Variants in SUN3 observed in about 807,000 individuals in gnomAD.
SUN3 encodes SUN domain-containing protein 3.
In SUN3, 36 loss-of-function variants were observed where a neutral mutation model predicts 48.2. That is an observed-to-expected ratio of 0.75 (90% confidence interval 0.57 to 0.99). The LOEUF (loss-of-function observed/expected upper bound fraction) is 0.99, where lower values mean the gene tolerates loss of function less well. Ranked by LOEUF, SUN3 falls within the 50% of genes least tolerant of loss-of-function variation. SUN3 has a pLI of 0.00. For missense variants in SUN3, 419 were observed against 433.1 expected, an observed-to-expected ratio of 0.97 and a Z score of 0.29; for synonymous variants, 148 against 147.9, an observed-to-expected ratio of 1.00 and a Z score of 0.00.
chr7:48,031,179 A>G (rs1790252059), upstream of SUN3, among the ~76,000 whole-genome samples: 1 of 152,264 alleles, frequency 6.6e-6, no homozygotes, highest in Non-Finnish European at 1.5e-5. Context: ...AAGGAACTTA[A>G]TAACAAGAAA....
intron 3 of SUN3, among the ~76,000 whole-genome samples, chr7:48,014,251 A>G (rs375455617): frequency 8.4e-4 from 128 of 152,310 alleles, no homozygotes; most frequent in African/African-American, 3.0e-3. Flanking sequence ...AGACATTTTT[A>G]AAGGGTTGAA....
At chr7:48,019,977 CAAAAAAAAAAA>C (rs869166401) in intron 2 of SUN3, among the ~76,000 whole-genome samples, 4 of 64,144 alleles carry the variant, frequency 6.2e-5, no homozygotes, top group Admixed American at 3.9e-4. Flanking sequence ...AAAGACACAT[CAAAAAAAAAAA>C]AAAAAAAAAA....
At chr7:48,033,739 T>C (rs1300548689), upstream of SUN3, among the ~76,000 whole-genome samples, 2 of 152,004 alleles carry the variant, frequency 1.3e-5, no homozygotes, top group African/African-American at 2.4e-5. Flanking sequence ...GCTCCAGTTA[T>C]TATGATCAAT....
At chr7:48,025,970 A>G (rs1562615563) in intron 1 of SUN3, 32 bp from the exon 2 acceptor site, 1 of 1,478,180 alleles carries the variant, frequency 6.8e-7, no homozygotes, top group Non-Finnish European at 9.4e-7. Flanking sequence ...TTAGAAAAAG[A>G]ATTTAACAAC....
intron 8 of SUN3, among the ~76,000 whole-genome samples, chr7:47,990,006 T>TCCTA (rs879593235): frequency 2.4e-4 from 36 of 152,358 alleles, no homozygotes; most frequent in Non-Finnish European, 4.4e-4. Context: ...AGCCAGGTAT[T>TCCTA]GTCCAAGGTT....
chr7:47,996,287 G>A, intron 6 of SUN3, 141 bp from the exon 7 acceptor site: 1 of 524,956 alleles, frequency 1.9e-6, no homozygotes, highest in South Asian at 3.2e-5. Context: ...GGAATTGATA[G>A]GAAAAGTATG....
At position 47,994,499 on chromosome 7, in the gene SUN3, G is replaced by C; in HGVS notation, c.694-17C>G. 1 of 1,584,502 alleles carries C rather than the reference G, an allele frequency of 6.3e-7. No homozygotes were observed. The highest frequency in any genetic ancestry group is 8.5e-7 in the Non-Finnish European group (1 of 1,170,318). On this transcript the variant is annotated splice_polypyrimidine_tract_variant and intron_variant, in intron 7 of 9. Transcript: ENST00000297325. ...GACATCCGGCTGGAAAGAAAACACTGAATTAATCTCTTAACTAGTTATGTG... is the reference window on the plus strand; with the variant it reads ...GACATCCGGCTGGAAAGAAAACACTCAATTAATCTCTTAACTAGTTATGTG...
At chr7:47,992,255 C>G (rs977874541) in intron 8 of SUN3, among the ~76,000 whole-genome samples, 1 of 152,134 alleles carries the variant, frequency 6.6e-6, no homozygotes, top group Non-Finnish European at 1.5e-5. Flanking sequence ...AAGTGTTGTA[C>G]AGGAAACAGA....
At chr7:48,019,756 A>AC (rs1746742839) in intron 2 of SUN3, among the ~76,000 whole-genome samples, 1 of 152,032 alleles carries the variant, frequency 6.6e-6, no homozygotes, top group African/African-American at 2.4e-5. Flanking sequence ...ACCTGAACAG[A>AC]CCAATAAAAA....
Position 48,021,603 on chromosome 7 carries a change from G to T in SUN3, c.185-4238C>A, listed in dbSNP as rs150842075. On this transcript the variant is annotated intron_variant, in intron 2 of 9. Coordinates refer to ENST00000297325, the MANE Select transcript of SUN3 (RefSeq NM_001030019.2). ...AACCTAAATAATCTGATAAAAAAAT[G>T]GGCCAAAGATTCAAATAAACATCTC... 3.8e-3 allele frequency among the ~76,000 whole-genome samples: 566 copies of T among 149,360 alleles called. 14 individuals are homozygous for T. The highest frequency in any genetic ancestry group is 0.035 in the Admixed American group (521 of 15,002).
intron 7 of SUN3, 94 bp downstream of exon 7, chr7:47,995,935 CTT>C (rs36076226): frequency 0.11 from 76,776 of 717,174 alleles, 5,627 homozygotes; most frequent in East Asian, 0.34. Context: ...TTCAGACACT[CTT>C]ATATTGCCTC....
intron 3 of SUN3, among the ~76,000 whole-genome samples, chr7:48,015,968 A>G (rs1309151870): frequency 3.3e-5 from 5 of 152,144 alleles, no homozygotes; most frequent in African/African-American, 1.2e-4. Context: ...CAAATTAGCT[A>G]CAAGATTAGA....
intron 4 of SUN3, among the ~76,000 whole-genome samples, chr7:48,007,980 C>T (rs561692304): frequency 6.8e-4 from 104 of 152,140 alleles, no homozygotes; most frequent in Middle Eastern, 3.4e-3. Flanking sequence ...CATGCCACCG[C>T]GCTCGGCTAA....
intron 8 of SUN3, among the ~76,000 whole-genome samples, chr7:47,989,256 G>A (rs1242728817): frequency 3.3e-5 from 5 of 152,284 alleles, no homozygotes; most frequent in Middle Eastern, 3.4e-3. Flanking sequence ...AACTATATTT[G>A]CAATAAGCAT....
At chr7:48,009,174 C>T in intron 3 of SUN3, 99 bp from the exon 4 acceptor site, 2 of 1,177,170 alleles carry the variant, frequency 1.7e-6, no homozygotes, top group Non-Finnish European at 2.4e-6. Flanking sequence ...CACATTGACT[C>T]CTGATATACA....
chr7:48,008,817 C>G (rs992625759), intron 4 of SUN3, among the ~76,000 whole-genome samples: 2 of 152,008 alleles, frequency 1.3e-5, no homozygotes, highest in Non-Finnish European at 2.9e-5. Flanking sequence ...TTTTCTATCT[C>G]CTTTTTTTCT....
intron 8 of SUN3, 121 bp from the exon 9 acceptor site, chr7:47,989,001 G>A (rs1788976040): frequency 1.7e-6 from 1 of 605,406 alleles, no homozygotes; most frequent in African/African-American, 1.8e-5. Flanking sequence ...CTGTGATCAT[G>A]CCAGTACTAA....
intron 7 of SUN3, among the ~76,000 whole-genome samples, chr7:47,995,699 G>A (rs1256589472): frequency 6.6e-6 from 1 of 152,188 alleles, no homozygotes; most frequent in East Asian, 1.9e-4. Context: ...AATGTTTGTT[G>A]AATGACTGAA....
At chr7:47,987,539 CTTT>C in intron 9 of SUN3, 90 bp from the exon 10 acceptor site, 5 of 1,070,170 alleles carry the variant, frequency 4.7e-6, no homozygotes, top group Non-Finnish European at 6.2e-6. Flanking sequence ...AAATTATATA[CTTT>C]TTTTTTTTCG....
Sources: allele counts gnomAD v4.1 joint callset (sites outside exome capture counted in the v4.1 genomes callset), GRCh38; gene constraint gnomAD v4.1.1; transcripts MANE v1.5; gene names NCBI Gene and HGNC (gene_info 2026-07-23, HGNC 2026-07-21).